IRF4: variants seen among roughly 807,000 people sequenced by gnomAD.
IRF4 encodes the protein interferon regulatory factor 4, also known as lymphocyte-specific interferon regulatory factor.
A neutral mutation model predicts 55.5 loss-of-function variants in IRF4; 13 were observed. The observed-to-expected ratio is 0.23, with a 90% CI of 0.15 to 0.37. The LOEUF (loss-of-function observed/expected upper bound fraction) is 0.37. Ranked by LOEUF, IRF4 falls within the 10% of genes least tolerant of loss-of-function variation. The pLI is 1.00. For synonymous variants in IRF4, 249 were observed against 240.7 expected (o/e 1.03, Z -0.32); for missense variants, 397 against 593.8 (o/e 0.67, Z 3.44).
chr6:396,456 A>C (rs1311373449), intron 4 of IRF4, among the ~76,000 whole-genome samples: 4 of 152,236 alleles, frequency 2.6e-5, no homozygotes, highest in African/African-American at 9.6e-5. Flanking sequence ...GGTTCACTCC[A>C]GTCTTTTCGG....
rs771110945 is a variant in IRF4 at position 410,874 on chromosome 6, C to G, written c.*3276C>G. 9 of 232,544 alleles carry G rather than the reference C, an allele frequency of 3.9e-5. No individual in the cohort carries two copies. Among genetic ancestry groups the G allele is most frequent in the Middle Eastern group, 1.2e-3 (1 of 806 alleles). The allele number at this position is 232,544 out of a possible 1,614,324, so 14.4% of individuals were successfully genotyped here. On this transcript the variant is annotated 3_prime_UTR_variant, in exon 9 of 9. Transcript: ENST00000380956. ...TCTGTCTGAATGGTGCGTGAAGGCTCTCAGACCTTACACACCATTTTGTAA... is the reference window on the plus strand; with the variant it reads ...TCTGTCTGAATGGTGCGTGAAGGCTGTCAGACCTTACACACCATTTTGTAA...
chr6:406,838 C>T (rs752756649), intron 8 of IRF4: 10 of 1,168,664 alleles, frequency 8.6e-6, no homozygotes, highest in Non-Finnish European at 1.1e-5. Context: ...GGAGAGCATT[C>T]AGCTTGCCTT....
chr6:400,942 TC>T (rs1158126655), intron 6 of IRF4, among the ~76,000 whole-genome samples: 16 of 152,328 alleles, frequency 1.1e-4, no homozygotes, highest in African/African-American at 3.8e-4. Flanking sequence ...AGGGTTCATT[TC>T]CTCCAAAGTA....
intron 5 of IRF4, among the ~76,000 whole-genome samples, chr6:397,751 G>A (rs554687569): frequency 1.3e-5 from 2 of 152,348 alleles, no homozygotes; most frequent in African/African-American, 2.4e-5. Context: ...CTTGCTGATT[G>A]TGGATTAGAT....
intron 1 of IRF4, among the ~76,000 whole-genome samples, chr6:392,809 G>A (rs1305998121): frequency 6.6e-6 from 1 of 152,210 alleles, no homozygotes. Context: ...CAAGACGAGC[G>A]GCGCGTGTCG....
At chr6:397,405 C>A in intron 5 of IRF4, 153 bp downstream of exon 5, 2 of 849,232 alleles carry the variant, frequency 2.4e-6, no homozygotes, top group South Asian at 1.8e-5. Context: ...TTTTCTCACT[C>A]CTGTGGGATG....
Position 397,197 on chromosome 6 carries a change from T to C in IRF4, c.582T>C (p.Cys194=). 6.2e-7 allele frequency: 1 copy of C among 1,614,250 alleles called. No individual in the cohort carries two copies. Among genetic ancestry groups the C allele is most frequent in the Non-Finnish European group, 8.5e-7 (1 of 1,180,048 alleles). ...DQPHPEIPYQ[C]PMTFGPRGHH... ...CACACCCGGAAATCCCGTACCAATG[T>C]CCCATGACGTTTGGACCCCGCGGCC... The change falls in exon 5 of 9, where the codon TGT becomes TGC. Residue 194 remains cysteine (C), a synonymous_variant. Coordinates refer to ENST00000380956, the MANE Select transcript of IRF4 (RefSeq NM_002460.4).
At chr6:407,412 G>T (rs755307127) in intron 8 of IRF4, 43 bp from the exon 9 acceptor site, 2 of 1,567,740 alleles carry the variant, frequency 1.3e-6, no homozygotes, top group Non-Finnish European at 1.7e-6. Context: ...TGAGCCAGTT[G>T]CAGGATATCT....
At chr6:403,019 G>C (rs1468744117) in intron 7 of IRF4, among the ~76,000 whole-genome samples, 2 of 152,370 alleles carry the variant, frequency 1.3e-5, no homozygotes, top group East Asian at 3.9e-4. Flanking sequence ...GCAGGACAGA[G>C]CGAGACTCCA....
At position 409,445 on chromosome 6, in the gene IRF4, TAAA is replaced by T. The variant is rs1440642918; in HGVS notation, c.*1850_*1852del. 2 of 207,414 alleles carry T rather than the reference TAAA, an allele frequency of 9.6e-6. No homozygotes were observed. The highest frequency in any genetic ancestry group is 4.6e-5 in the African/African-American group (2 of 43,866). The allele number at this position is 207,414 out of a possible 1,614,324, so 12.8% of individuals were successfully genotyped here. A position where few individuals can be genotyped will look rare whatever the true frequency, so the allele number is the denominator to read the frequency against. ...ACTTTTCTGTAAATATACATAAACT[TAAA>T]AAGAAAACCTCATGGAGTCATCTTG... On this transcript the variant is annotated 3_prime_UTR_variant, in exon 9 of 9. Transcript: ENST00000380956.
intron 8 of IRF4, 127 bp downstream of exon 8, chr6:405,257 A>G: frequency 1.6e-6 from 1 of 634,536 alleles, no homozygotes; most frequent in Non-Finnish European, 2.8e-6. Flanking sequence ...GTAACCCTTA[A>G]ACTAGTGAGG....
chr6:398,425 A>G (rs951470731), intron 5 of IRF4, among the ~76,000 whole-genome samples: 1 of 152,222 alleles, frequency 6.6e-6, no homozygotes, highest in East Asian at 1.9e-4. Flanking sequence ...ATAAAAATGG[A>G]CTAAATAATT....
intron 1 of IRF4, among the ~76,000 whole-genome samples, chr6:392,653 G>T (rs975288771): frequency 3.9e-5 from 6 of 152,030 alleles, no homozygotes; most frequent in African/African-American, 1.5e-4. Flanking sequence ...TCCTCCGCGC[G>T]TGGAGGCCGC....
chr6:406,805 C>G, intron 8 of IRF4: 2 of 1,216,514 alleles, frequency 1.6e-6, no homozygotes, highest in African/African-American at 1.6e-5. Flanking sequence ...ATATAAAATA[C>G]AGTCTCTAAT....
chr6:393,515 G>A lies in IRF4; in HGVS notation c.216+147G>A. The A allele has an allele frequency of 3.9e-6, 2 of 517,038 alleles. No individual in the cohort carries two copies. The highest frequency in any genetic ancestry group is 6.0e-6 in the Non-Finnish European group (2 of 333,448). 32.0% of individuals were successfully genotyped at this position (517,038 alleles called of 1,614,324 possible). On this transcript the variant is annotated intron_variant, in intron 2 of 8. Transcript: ENST00000380956. The surrounding 1 kb of genome is among the most constrained non-coding windows in gnomAD (Gnocchi z 5.4). Reference sequence around the variant, plus strand: ...GGAGGCATCAGGTGGCGTCGCCGGAGCCGCAGGAGGAGGAAAGGAGGCCTC... The same window carrying A: ...GGAGGCATCAGGTGGCGTCGCCGGAACCGCAGGAGGAGGAAAGGAGGCCTC...
Position 397,252 on chromosome 6 carries a change from G to A in IRF4, c.637G>A (p.Gly213Ser). 1 of 1,614,228 alleles carries A rather than the reference G, an allele frequency of 6.2e-7. No individual in the cohort carries two copies. Among genetic ancestry groups the A allele is most frequent in the African/African-American group, 1.3e-5 (1 of 75,082 alleles). ...CTGGCAAGGCCCAGCTTGTGAAAAT[G>A]GTAAGGAGGATACCAGTGCAGGAAA... ...HHWQGPACENGCQVTGTFYAC... is the reference protein window; with the variant it reads ...HHWQGPACENSCQVTGTFYAC... The change falls in exon 5 of 9, where the codon GGT becomes AGT. Residue 213 changes from glycine (G) to serine (S), a missense_variant and splice_region_variant. Physicochemically the swap from Gly to Ser is moderately conservative, Grantham distance 56. Around this residue, in one of 3 missense-constraint regions of IRF4, gnomAD observed 341 missense variants for 548.1 expected, o/e 0.62. Transcript: ENST00000380956.
In IRF4 at chr6:410,911, C is replaced by T. The variant is rs1286804609; in HGVS notation, c.*3313C>T. 2 of 232,586 alleles carry T rather than the reference C, an allele frequency of 8.6e-6. No homozygotes were observed. Among genetic ancestry groups the T allele is most frequent in the African/African-American group, 2.2e-5 (1 of 45,300 alleles). The allele number at this position is 232,586 out of a possible 1,614,324, so 14.4% of individuals were successfully genotyped here. ...ACACCATTTTGTAAGTTATGTTTTA[C>T]ATGCCCCGTTTTTGAGACTGATCTC... On this transcript the variant is annotated 3_prime_UTR_variant, in exon 9 of 9. Transcript: ENST00000380956.
rs1024929428 is a variant in IRF4 at position 393,746 on chromosome 6, C to T, written c.216+378C>T. Among the ~76,000 whole-genome samples the T allele has an allele frequency of 4.6e-5, 7 of 152,216 alleles. No homozygotes were observed. The highest frequency in any genetic ancestry group is 7.3e-5 in the Non-Finnish European group (5 of 68,032). On this transcript the variant is annotated intron_variant, in intron 2 of 8. Coordinates refer to ENST00000380956, the MANE Select transcript of IRF4 (RefSeq NM_002460.4). This position sits in a 1 kb window ranked among gnomAD's most constrained non-coding sequence, Gnocchi z 5.4. ...CTGCCGCCTCCGTCCGTGGGTCCCC[C>T]TCGCCCTCTCCGTGCGTCCGCGCCT...
chr6:404,540 C>T (rs138625335), intron 7 of IRF4, among the ~76,000 whole-genome samples: 64 of 152,334 alleles, frequency 4.2e-4, no homozygotes, highest in African/African-American at 1.5e-3. Flanking sequence ...CGTGGATGTC[C>T]GCAGTAGCAC....
Sources: gnomAD v4.1 joint callset for allele counts (sites outside exome capture counted in the v4.1 genomes callset) on GRCh38, gnomAD v4.1.1 for gene constraint, gnomAD v4.1.1 regional missense constraint, Gnocchi (gnomAD v3.1) non-coding constraint, MANE v1.5 for transcripts, NCBI Gene and HGNC (gene_info 2026-07-23, HGNC 2026-07-21) for gene names.